Variants in PARD3B observed in about 807,000 individuals in gnomAD.
The protein encoded by PARD3B is partitioning defective 3 homolog B.
Under a neutral mutation model 130.2 loss-of-function variants are expected in PARD3B, and 103 were observed. That is an observed-to-expected ratio of 0.79 (90% CI 0.67 to 0.93). The LOEUF (loss-of-function observed/expected upper bound fraction) is 0.93. Ranked by LOEUF, PARD3B falls within the 40% of genes least tolerant of loss-of-function variation. PARD3B has a pLI of 0.00. For missense variants in PARD3B, 1,609 were observed against 1,499.2 expected, an observed-to-expected ratio of 1.07 and a Z score of -1.21; for synonymous variants, 583 against 553.2, an observed-to-expected ratio of 1.05 and a Z score of -0.76.
chr2:204,796,791 A>G (rs538352701), intron 2 of PARD3B, among the ~76,000 whole-genome samples: 1 of 152,184 alleles, frequency 6.6e-6, no homozygotes, highest in Non-Finnish European at 1.5e-5. Context: ...GCTCTTGTGT[A>G]TTCGAATCCA....
chr2:204,650,488 G>T (rs780666213), intron 1 of PARD3B, among the ~76,000 whole-genome samples: 17 of 152,148 alleles, frequency 1.1e-4, no homozygotes, highest in Admixed American at 7.2e-4. Context: ...CAAAGACATG[G>T]AATCAACCTA....
intron 2 of PARD3B, among the ~76,000 whole-genome samples, chr2:204,771,836 T>G (rs998272436): frequency 1.3e-5 from 2 of 152,064 alleles, no homozygotes; most frequent in Non-Finnish European, 2.9e-5. Context: ...GTGTATGACT[T>G]TTAGAGGGAG....
chr2:205,602,174 A>G (rs1387567980), intron 22 of PARD3B, among the ~76,000 whole-genome samples: 2 of 152,218 alleles, frequency 1.3e-5, no homozygotes, highest in African/African-American at 4.8e-5. Flanking sequence ...GTGATGAATT[A>G]CATTTATTGA....
chr2:205,486,478 G>A (rs960129692), intron 20 of PARD3B, among the ~76,000 whole-genome samples: 1 of 152,166 alleles, frequency 6.6e-6, no homozygotes, highest in Non-Finnish European at 1.5e-5. Flanking sequence ...AAATACCTGA[G>A]GCTGGGTAAT....
In PARD3B at chr2:204,624,479, G is replaced by A. The variant is rs11885882; in HGVS notation, c.121-61702G>A. Reference sequence around the variant, plus strand: ...CATACTTCTGGGTACCTATACAAAAGAATTTAAATCAGAATCTTGAAAAGG... The same window carrying A: ...CATACTTCTGGGTACCTATACAAAAAAATTTAAATCAGAATCTTGAAAAGG... On this transcript the variant is annotated intron_variant, in intron 1 of 22. Transcript: ENST00000406610. Among the ~76,000 whole-genome samples, 712 of 152,184 alleles carry A rather than the reference G, an allele frequency of 4.7e-3. 6 individuals are homozygous for A. Among genetic ancestry groups the A allele is most frequent in the African/African-American group, 0.016 (650 of 41,524 alleles).
chr2:205,192,793 T>C (rs1435335315), intron 14 of PARD3B, among the ~76,000 whole-genome samples: 2 of 152,216 alleles, frequency 1.3e-5, no homozygotes, highest in African/African-American at 4.8e-5. Context: ...TACAACCCTT[T>C]CACTTGTGTT....
intron 2 of PARD3B, among the ~76,000 whole-genome samples, chr2:204,812,250 T>G (rs956417497): frequency 6.6e-6 from 1 of 152,210 alleles, no homozygotes; most frequent in Non-Finnish European, 1.5e-5. Context: ...TACCACGGTT[T>G]GATTGTCCAT....
chr2:204,835,208 C>G (rs1436822905), intron 2 of PARD3B, among the ~76,000 whole-genome samples: 1 of 152,242 alleles, frequency 6.6e-6, no homozygotes, highest in East Asian at 1.9e-4. Flanking sequence ...ACCCAGTCCT[C>G]TGATCTGGAC....
chr2:204,891,594 C>CT (rs1243729850), intron 2 of PARD3B, among the ~76,000 whole-genome samples: 7 of 152,194 alleles, frequency 4.6e-5, no homozygotes, highest in African/African-American at 1.7e-4. Flanking sequence ...TCTAATATTG[C>CT]TTTATTAAGA....
intron 15 of PARD3B, among the ~76,000 whole-genome samples, chr2:205,207,630 C>T (rs1211195174): frequency 1.4e-5 from 2 of 143,578 alleles, no homozygotes; most frequent in Non-Finnish European, 3.0e-5. Flanking sequence ...GAAATGGATA[C>T]ATTCCTCGAC....
chr2:204,821,483 A>T (rs1037968108), intron 2 of PARD3B, among the ~76,000 whole-genome samples: 61 of 145,248 alleles, frequency 4.2e-4, no homozygotes, highest in African/African-American at 1.5e-3. Flanking sequence ...TCTCACTCAT[A>T]GGTGGGAATT....
At chr2:205,386,730 G>A (rs112334924) in intron 18 of PARD3B, among the ~76,000 whole-genome samples, 19 of 150,596 alleles carry the variant, frequency 1.3e-4, no homozygotes, top group African/African-American at 3.7e-4. Context: ...CTGGGGCACC[G>A]AGCAGGAGGG....
Position 205,396,853 on chromosome 2 carries a change from G to A in PARD3B, c.2631-4160G>A, listed in dbSNP as rs543435925. Among the ~76,000 whole-genome samples the A allele has an allele frequency of 6.6e-5, 10 of 152,248 alleles. No individual in the cohort carries two copies. The South Asian group carries it at 8.3e-4, about 13-fold the overall frequency. Reference sequence around the variant, plus strand: ...TAGTAATTTTAGCCATTCAGGGTTCGTGACTTTTCTCACAAAAATAGCTAA... The same window carrying A: ...TAGTAATTTTAGCCATTCAGGGTTCATGACTTTTCTCACAAAAATAGCTAA... On this transcript the variant is annotated intron_variant, in intron 18 of 22. Transcript: ENST00000406610.
intron 18 of PARD3B, among the ~76,000 whole-genome samples, chr2:205,329,584 A>G (rs917456119): frequency 6.6e-6 from 1 of 152,226 alleles, no homozygotes; most frequent in Non-Finnish European, 1.5e-5. Flanking sequence ...GACAGAGTTG[A>G]ACAGACATTC....
intron 11 of PARD3B, among the ~76,000 whole-genome samples, chr2:205,162,160 T>A (rs1042559517): frequency 3.3e-5 from 5 of 152,232 alleles, no homozygotes; most frequent in Admixed American, 2.6e-4. Flanking sequence ...TAGGACGCCC[T>A]CTTGGAAGTG....
rs2054426271 is a variant in PARD3B, at chr2:205,592,590, G to A, written c.3261-22866G>A. 6.6e-6 allele frequency among the ~76,000 whole-genome samples: 1 copy of A among 152,130 alleles called. No individual in the cohort carries two copies. Among genetic ancestry groups the A allele is most frequent in the Admixed American group, 6.5e-5 (1 of 15,278 alleles). ...TACAATGGTTATTGATTCCATAGAG[G>A]CAGAATGTTTCCCATACAACTATAA... is the stretch of plus-strand genomic sequence containing the variant. On this transcript the variant is annotated intron_variant, in intron 22 of 22. Coordinates refer to ENST00000406610, the MANE Select transcript of PARD3B (RefSeq NM_001302769.2). The surrounding 1 kb of genome is among the most constrained non-coding windows in gnomAD (Gnocchi z 4.5).
At chr2:204,796,171 A>G (rs1037675483) in intron 2 of PARD3B, among the ~76,000 whole-genome samples, 2 of 152,172 alleles carry the variant, frequency 1.3e-5, no homozygotes, top group African/African-American at 4.8e-5. Flanking sequence ...TATAATCCCA[A>G]TTGCTGTGTG....
At chr2:204,728,609 T>C (rs2039345251) in intron 2 of PARD3B, among the ~76,000 whole-genome samples, 1 of 3,352 alleles carries the variant, frequency 3.0e-4, no homozygotes, top group African/African-American at 3.2e-4. Context: ...GCATGCTCAC[T>C]TGATTTTTTT....
intron 2 of PARD3B, among the ~76,000 whole-genome samples, chr2:204,762,613 A>T (rs1028509238): frequency 2.6e-5 from 4 of 152,044 alleles, no homozygotes; most frequent in African/African-American, 9.7e-5. Context: ...TGGGAATTGG[A>T]GTTTTAATTT....
Sources: gnomAD v4.1 joint callset for allele counts (sites outside exome capture counted in the v4.1 genomes callset) on GRCh38, gnomAD v4.1.1 for gene constraint, Gnocchi (gnomAD v3.1) non-coding constraint, MANE v1.5 for transcripts, NCBI Gene and HGNC (gene_info 2026-07-23, HGNC 2026-07-21) for gene names.